MAD1L1: variants seen among roughly 807,000 people sequenced by gnomAD.
MAD1L1 encodes the protein mitotic spindle assembly checkpoint protein MAD1.
In MAD1L1, 95 loss-of-function variants were observed where a neutral mutation model predicts 96.9. That is an observed-to-expected ratio of 0.98 (90% CI 0.83 to 1.16). The LOEUF is 1.16. MAD1L1 is among the 50% of genes most tolerant of loss of function. MAD1L1 has a pLI of 0.00. For synonymous variants in MAD1L1, 473 were observed against 396.6 expected (o/e 1.19, Z -2.29); for missense variants, 1,007 against 954.4 (o/e 1.06, Z -0.73).
intron 12 of MAD1L1, among the ~76,000 whole-genome samples, chr7:2,063,032 T>C (rs1584231429): frequency 6.6e-6 from 1 of 152,126 alleles, no homozygotes; most frequent in East Asian, 1.9e-4. Context: ...ACAATTAAAC[T>C]AGAAAGAAAA....
At chr7:2,067,447 G>A (rs1035368636) in intron 12 of MAD1L1, among the ~76,000 whole-genome samples, 2 of 151,296 alleles carry the variant, frequency 1.3e-5, no homozygotes, top group East Asian at 2.0e-4. Flanking sequence ...CCAGCATCAC[G>A]GGACCACAGC....
At chr7:2,092,495 C>T (rs1369547543) in intron 11 of MAD1L1, among the ~76,000 whole-genome samples, 1 of 152,132 alleles carries the variant, frequency 6.6e-6, no homozygotes, top group Non-Finnish European at 1.5e-5. Flanking sequence ...CCCGCCTAAG[C>T]ATCCTCCCTC....
intron 12 of MAD1L1, among the ~76,000 whole-genome samples, chr7:2,059,571 C>CAGGGG (rs1272857534): frequency 3.6e-4 from 33 of 92,338 alleles, no homozygotes; most frequent in Non-Finnish European, 4.1e-4. Context: ...GAAGCATGGC[C>CAGGGG]AGGGGAGGGG....
At chr7:2,045,047 G>A (rs1017753507) in intron 12 of MAD1L1, among the ~76,000 whole-genome samples, 21 of 152,220 alleles carry the variant, frequency 1.4e-4, no homozygotes, top group Non-Finnish European at 1.8e-4. Context: ...GAGCCAGGGC[G>A]CCCTGACGGC....
chr7:2,127,079 A>G (rs6956077), intron 11 of MAD1L1, among the ~76,000 whole-genome samples: 151,632 of 152,294 alleles, frequency 1, 75,492 homozygotes, highest in Middle Eastern at 1. Context: ...ACATCTGAAC[A>G]CTCTCCTGGA....
intron 10 of MAD1L1, among the ~76,000 whole-genome samples, chr7:2,159,220 C>T (rs1024887165): frequency 1.3e-5 from 2 of 152,252 alleles, no homozygotes; most frequent in Non-Finnish European, 2.9e-5. Flanking sequence ...CACTTTCCTA[C>T]GGGGATGTGG....
At chr7:2,081,701 G>A (rs987719164) in intron 11 of MAD1L1, among the ~76,000 whole-genome samples, 23 of 152,262 alleles carry the variant, frequency 1.5e-4, no homozygotes, top group African/African-American at 4.3e-4. Flanking sequence ...CCCCGTGGTC[G>A]GCGGAGCACA....
chr7:2,073,479 G>A (rs756414007), intron 11 of MAD1L1, among the ~76,000 whole-genome samples: 4 of 152,102 alleles, frequency 2.6e-5, no homozygotes, highest in Non-Finnish European at 5.9e-5. Flanking sequence ...AGCATAACTA[G>A]AGCCTGGGAT....
chr7:1,857,019 C>G (rs963380173), intron 18 of MAD1L1, among the ~76,000 whole-genome samples: 2 of 134,286 alleles, frequency 1.5e-5, no homozygotes, highest in Non-Finnish European at 3.5e-5. Flanking sequence ...CTCCTGCCAA[C>G]CCTCCAGCAG....
At chr7:1,926,286 G>C (rs901335770) in intron 17 of MAD1L1, among the ~76,000 whole-genome samples, 4 of 152,336 alleles carry the variant, frequency 2.6e-5, no homozygotes, top group Middle Eastern at 6.8e-3. Flanking sequence ...CCTAGGCCCA[G>C]ATGGTTTCAC....
intron 15 of MAD1L1, among the ~76,000 whole-genome samples, chr7:1,973,947 G>A (rs1171839834): frequency 6.6e-6 from 1 of 152,252 alleles, no homozygotes; most frequent in African/African-American, 2.4e-5. Context: ...TGGGGCAGGA[G>A]ACGCGCTCCC....
At chr7:2,115,951 G>C (rs1041843331) in intron 11 of MAD1L1, among the ~76,000 whole-genome samples, 5 of 152,212 alleles carry the variant, frequency 3.3e-5, no homozygotes, top group Non-Finnish European at 7.4e-5. Context: ...CCTAAACACA[G>C]AATGCGGCTG....
At chr7:2,026,108 C>A (rs1284217351) in intron 12 of MAD1L1, among the ~76,000 whole-genome samples, 2 of 151,986 alleles carry the variant, frequency 1.3e-5, no homozygotes, top group Non-Finnish European at 2.9e-5. Context: ...TTTAACAATG[C>A]TCAAAATGAA....
chr7:2,031,120 C>T (rs1055368942), intron 12 of MAD1L1, among the ~76,000 whole-genome samples: 1 of 152,216 alleles, frequency 6.6e-6, no homozygotes, highest in Non-Finnish European at 1.5e-5. Context: ...ACTGCACCTA[C>T]GCGAGCTCTC....
At chr7:1,938,570 G>C (rs1388456288) in intron 16 of MAD1L1, among the ~76,000 whole-genome samples, 3 of 151,846 alleles carry the variant, frequency 2.0e-5, no homozygotes, top group Non-Finnish European at 4.4e-5. Flanking sequence ...AATAACCAAG[G>C]GCATGTCAGA....
At chr7:2,040,064 C>T (rs1217933792) in intron 12 of MAD1L1, among the ~76,000 whole-genome samples, 3 of 152,144 alleles carry the variant, frequency 2.0e-5, no homozygotes, top group African/African-American at 4.8e-5. Context: ...CAGATCACTG[C>T]AGTTGGGAGT....
At chr7:2,066,044 C>G (rs1030606169) in intron 12 of MAD1L1, among the ~76,000 whole-genome samples, 1 of 152,208 alleles carries the variant, frequency 6.6e-6, no homozygotes, top group Non-Finnish European at 1.5e-5. Context: ...GATATTTTAC[C>G]AAGGTAATTA....
intron 4 of MAD1L1, chr7:2,223,771 C>T (rs74628132): frequency 0.03 from 4,597 of 152,376 alleles, 114 homozygotes; most frequent in South Asian, 0.055. Flanking sequence ...GATGCGGCAC[C>T]GGGCCTGGAA....
At chr7:2,141,357 A>AC (rs1316202282) in intron 11 of MAD1L1, among the ~76,000 whole-genome samples, 1 of 152,066 alleles carries the variant, frequency 6.6e-6, no homozygotes, top group African/African-American at 2.4e-5. Context: ...GATGGGCTGG[A>AC]CCCCCTCTCA....
Sources: allele counts gnomAD v4.1 joint callset (sites outside exome capture counted in the v4.1 genomes callset), GRCh38; gene constraint gnomAD v4.1.1; transcripts MANE v1.5; gene names NCBI Gene and HGNC (gene_info 2026-07-23, HGNC 2026-07-21).